Variants in LYPLAL1 observed in about 807,000 individuals in gnomAD.
The protein encoded by LYPLAL1 is lysophospholipase like 1.
Under a neutral mutation model 19.7 loss-of-function variants are expected in LYPLAL1, and 23 were observed. The ratio of observed to expected loss-of-function variants is 1.17; its 90% CI spans 0.84 to 1.65. LYPLAL1 has a LOEUF of 1.65. LYPLAL1 is among the 40% of genes most tolerant of loss of function. The pLI is 0.00. For synonymous variants in LYPLAL1, 119 were observed against 96.3 expected, an observed-to-expected ratio of 1.24 and a Z score of -1.38; for missense variants, 355 against 279.4, an observed-to-expected ratio of 1.27 and a Z score of -1.93.
At chr1:219,176,691 T>A (rs145643866) in intron 1 of LYPLAL1, among the ~76,000 whole-genome samples, 27 of 152,290 alleles carry the variant, frequency 1.8e-4, no homozygotes, top group African/African-American at 6.3e-4. Context: ...CCTAGGCTAA[T>A]CACAGAAGTC....
chr1:219,295,152 G>T, the LYPLAL1 span, among the ~76,000 whole-genome samples: 1 of 152,134 alleles, frequency 6.6e-6, no homozygotes, highest in Admixed American at 6.5e-5. Flanking sequence ...CAGATTGCAG[G>T]TAAGTTTCTT....
At chr1:219,235,589 G>A in the LYPLAL1 span, among the ~76,000 whole-genome samples, 1 of 152,112 alleles carries the variant, frequency 6.6e-6, no homozygotes, top group Non-Finnish European at 1.5e-5. Flanking sequence ...AATCAAGACT[G>A]CCATTTCTAC....
At chr1:219,312,991 T>C in the LYPLAL1 span, among the ~76,000 whole-genome samples, 23 of 152,352 alleles carry the variant, frequency 1.5e-4, no homozygotes, top group African/African-American at 5.3e-4. Flanking sequence ...TTCTAACATC[T>C]CTTTTTCTGT....
the LYPLAL1 span, among the ~76,000 whole-genome samples, chr1:219,376,383 G>C: frequency 6.6e-6 from 1 of 152,112 alleles, no homozygotes; most frequent in Non-Finnish European, 1.5e-5. Flanking sequence ...AAAACCCTTA[G>C]AAGAAAATAT....
the LYPLAL1 span, among the ~76,000 whole-genome samples, chr1:219,401,116 TC>T: frequency 6.6e-6 from 1 of 152,104 alleles, no homozygotes; most frequent in South Asian, 2.1e-4. Flanking sequence ...TTTTGTTTTT[TC>T]TAATTATTTA....
At chr1:219,406,041 G>T in the LYPLAL1 span, among the ~76,000 whole-genome samples, 2,926 of 152,250 alleles carry the variant, frequency 0.019, 82 homozygotes, top group African/African-American at 0.065. Context: ...ACATTAGCCA[G>T]CTCTGCATGT....
the LYPLAL1 span, among the ~76,000 whole-genome samples, chr1:219,282,041 T>A: frequency 1.3e-5 from 2 of 151,916 alleles, no homozygotes; most frequent in Admixed American, 1.3e-4. Context: ...CCAAACCCCA[T>A]AAAACAAACA....
At chr1:219,344,764 T>C in the LYPLAL1 span, among the ~76,000 whole-genome samples, 3 of 152,230 alleles carry the variant, frequency 2.0e-5, no homozygotes, top group Non-Finnish European at 4.4e-5. Flanking sequence ...TGACTTCTTC[T>C]ATTTTACTTG....
chr1:219,332,008 G>A, the LYPLAL1 span, among the ~76,000 whole-genome samples: 6 of 152,156 alleles, frequency 3.9e-5, no homozygotes, highest in African/African-American at 1.4e-4. Flanking sequence ...ACTAGCCCGA[G>A]GTTCACTAAG....
chr1:219,241,132 CTCTATATA>C, the LYPLAL1 span, among the ~76,000 whole-genome samples: 113 of 57,498 alleles, frequency 2.0e-3, no homozygotes, highest in South Asian at 6.7e-3. Flanking sequence ...CTCTCTCTCT[CTCTATATA>C]TATATATATA....
the LYPLAL1 span, among the ~76,000 whole-genome samples, chr1:219,372,472 C>T: frequency 2.0e-5 from 3 of 152,144 alleles, no homozygotes; most frequent in Non-Finnish European, 4.4e-5. Flanking sequence ...AGAAAGCCCC[C>T]TTTTTTGACC....
At chr1:219,430,442 C>T in the LYPLAL1 span, among the ~76,000 whole-genome samples, 237 of 152,160 alleles carry the variant, frequency 1.6e-3, 3 homozygotes, top group African/African-American at 5.3e-3. Flanking sequence ...TCTTTAAAGG[C>T]AGGAAGTAAT....
the LYPLAL1 span, among the ~76,000 whole-genome samples, chr1:219,296,206 C>A: frequency 2.0e-5 from 3 of 152,140 alleles, no homozygotes; most frequent in African/African-American, 7.2e-5. Flanking sequence ...TTCTGAAAAT[C>A]CAGCCCATAT....
chr1:219,306,789 C>T, the LYPLAL1 span, among the ~76,000 whole-genome samples: 1 of 74,184 alleles, frequency 1.3e-5, no homozygotes. Context: ...TAGATAGATA[C>T]ATAGACAGAT....
At chr1:219,339,705 C>G in the LYPLAL1 span, among the ~76,000 whole-genome samples, 1 of 151,956 alleles carries the variant, frequency 6.6e-6, no homozygotes, top group Non-Finnish European at 1.5e-5. Context: ...GTTTAGAAAA[C>G]CTTTGGGCAA....
the LYPLAL1 span, among the ~76,000 whole-genome samples, chr1:219,426,712 C>T: frequency 6.6e-6 from 1 of 152,122 alleles, no homozygotes; most frequent in Non-Finnish European, 1.5e-5. Flanking sequence ...AATTCAAGTG[C>T]CTCAGCCTCC....
chr1:219,428,261 A>T, the LYPLAL1 span, among the ~76,000 whole-genome samples: 2 of 152,170 alleles, frequency 1.3e-5, no homozygotes, highest in African/African-American at 4.8e-5. Flanking sequence ...AGTGTTTCCA[A>T]AGTTTCATGA....
chr1:219,201,893 T>C (rs1478721399), intron 3 of LYPLAL1, among the ~76,000 whole-genome samples: 1 of 152,236 alleles, frequency 6.6e-6, no homozygotes, highest in African/African-American at 2.4e-5. Flanking sequence ...TATTGATTCA[T>C]AGAGCAAATA....
the LYPLAL1 span, among the ~76,000 whole-genome samples, chr1:219,252,688 AATTTTGTTGAGG>A: frequency 1.3e-5 from 2 of 151,818 alleles, no homozygotes; most frequent in Non-Finnish European, 2.9e-5. Flanking sequence ...AGTTTACAAT[AATTTTGTTGAGG>A]ATTTTTGCAT....
Sources: allele counts gnomAD v4.1 joint callset (sites outside exome capture counted in the v4.1 genomes callset), GRCh38; gene constraint gnomAD v4.1.1; transcripts MANE v1.5; gene names NCBI Gene and HGNC (gene_info 2026-07-23, HGNC 2026-07-21).